CSMD1: variants seen among roughly 807,000 people sequenced by gnomAD.
The protein encoded by CSMD1 is CUB and Sushi multiple domains 1.
In CSMD1, 213 loss-of-function variants were observed where a neutral mutation model predicts 417.5. The ratio of observed to expected loss-of-function variants is 0.51; its 90% CI spans 0.46 to 0.57. CSMD1 has a LOEUF of 0.57. Ranked by LOEUF, CSMD1 falls within the 20% of genes least tolerant of loss-of-function variation. CSMD1 has a pLI of 0.00. For synonymous variants in CSMD1, 2,862 were observed against 1,736.8 expected (o/e 1.65, Z -16.11); for missense variants, 6,923 against 4,529.7 (o/e 1.53, Z -15.17).
intron 25 of CSMD1, among the ~76,000 whole-genome samples, chr8:3,306,929 T>TTTTG (rs1462603753): frequency 6.6e-6 from 1 of 152,134 alleles, no homozygotes; most frequent in Non-Finnish European, 1.5e-5. Flanking sequence ...ATAGAACACT[T>TTTTG]TTTGTTTAAA....
chr8:4,423,230 A>G (rs1029696051), intron 2 of CSMD1, among the ~76,000 whole-genome samples: 7 of 152,116 alleles, frequency 4.6e-5, no homozygotes, highest in African/African-American at 1.7e-4. Flanking sequence ...ACAAGAAAAG[A>G]AAATATATGC....
chr8:3,349,660 T>G (rs1219170740), intron 21 of CSMD1, among the ~76,000 whole-genome samples: 2 of 150,750 alleles, frequency 1.3e-5, no homozygotes, highest in African/African-American at 4.9e-5. Context: ...TGTATAATTA[T>G]AATTCTGTAA....
rs369539045 is a variant in CSMD1 at position 3,001,468 on chromosome 8, C to T, written c.8030-1337G>A. On this transcript the variant is annotated intron_variant, in intron 52 of 69. Coordinates refer to ENST00000635120, the MANE Select transcript of CSMD1 (RefSeq NM_033225.6). ...GAAGAGTAACTTACATGAATTGGAC[C>T]TGTGTTACACATGGGTTTTGGAGTC... 1.9e-3 allele frequency among the ~76,000 whole-genome samples: 296 copies of T among 152,110 alleles called. 1 individual carries two copies. Among genetic ancestry groups the T allele is most frequent in the African/African-American group, 6.9e-3 (287 of 41,480 alleles).
chr8:3,504,762 T>A (rs1796753058), intron 10 of CSMD1, among the ~76,000 whole-genome samples: 1 of 152,154 alleles, frequency 6.6e-6, no homozygotes, highest in South Asian at 2.1e-4. Context: ...TAAGTGTGGT[T>A]TTCACAAACT....
intron 12 of CSMD1, among the ~76,000 whole-genome samples, chr8:3,427,463 A>G (rs191226828): frequency 6.6e-6 from 1 of 152,186 alleles, no homozygotes; most frequent in Non-Finnish European, 1.5e-5. Flanking sequence ...TATATTTTTG[A>G]AACCTTTAAA....
intron 25 of CSMD1, among the ~76,000 whole-genome samples, chr8:3,297,529 G>T (rs552682553): frequency 5.3e-5 from 8 of 152,076 alleles, no homozygotes; most frequent in African/African-American, 1.9e-4. Context: ...TAGTTGTCTC[G>T]TTAATTACTA....
chr8:3,721,866 G>T (rs970761896), intron 6 of CSMD1, among the ~76,000 whole-genome samples: 11 of 152,096 alleles, frequency 7.2e-5, no homozygotes, highest in Non-Finnish European at 2.9e-5. Flanking sequence ...GAAGAAAATA[G>T]CAGAGAATGA....
At chr8:4,218,700 G>C (rs1220299065) in intron 3 of CSMD1, among the ~76,000 whole-genome samples, 2 of 152,292 alleles carry the variant, frequency 1.3e-5, no homozygotes, top group South Asian at 2.1e-4. Flanking sequence ...TCTTCAAATA[G>C]AGGCAACCAT....
chr8:4,041,076 G>A (rs1407962022), intron 3 of CSMD1, among the ~76,000 whole-genome samples: 12 of 144,282 alleles, frequency 8.3e-5, no homozygotes, highest in African/African-American at 2.8e-4. Context: ...GAGTGCAGTG[G>A]CGCGATCTCG....
intron 5 of CSMD1, among the ~76,000 whole-genome samples, chr8:3,795,954 G>A (rs1157571275): frequency 2.4e-5 from 1 of 42,134 alleles, no homozygotes; most frequent in African/African-American, 1.1e-4. Flanking sequence ...TATCTATCAT[G>A]TACAGATATA....
At chr8:2,968,997 T>C (rs1302486114) in intron 57 of CSMD1, among the ~76,000 whole-genome samples, 1 of 152,184 alleles carries the variant, frequency 6.6e-6, no homozygotes, top group East Asian at 1.9e-4. Flanking sequence ...CTGTTCATTT[T>C]GCATGCTACA....
intron 10 of CSMD1, among the ~76,000 whole-genome samples, chr8:3,501,407 G>A (rs887586364): frequency 2.0e-5 from 3 of 152,130 alleles, no homozygotes; most frequent in African/African-American, 7.2e-5. Flanking sequence ...ACATGTTTGT[G>A]TCAGAAACTG....
intron 10 of CSMD1, among the ~76,000 whole-genome samples, chr8:3,557,241 C>T (rs758303935): frequency 1.3e-5 from 2 of 152,060 alleles, no homozygotes; most frequent in Non-Finnish European, 2.9e-5. Context: ...TTTTTAGGAC[C>T]CAAATAATAT....
At chr8:3,437,386 T>A (rs901622116) in intron 12 of CSMD1, among the ~76,000 whole-genome samples, 2 of 152,156 alleles carry the variant, frequency 1.3e-5, no homozygotes, top group African/African-American at 4.8e-5. Context: ...AAACCCTCTT[T>A]GGCAATTCAT....
intron 4 of CSMD1, among the ~76,000 whole-genome samples, chr8:4,020,612 C>G (rs978301596): frequency 3.3e-5 from 5 of 152,150 alleles, no homozygotes; most frequent in Non-Finnish European, 7.4e-5. Context: ...GAGATCAAAA[C>G]TGCTAGGTCC....
intron 2 of CSMD1, among the ~76,000 whole-genome samples, chr8:4,545,082 T>C (rs1272166464): frequency 6.6e-6 from 1 of 152,248 alleles, no homozygotes; most frequent in African/African-American, 2.4e-5. Context: ...GTGTATGATG[T>C]ATATAAAAGG....
chr8:3,896,974 C>T (rs867459004), intron 5 of CSMD1, among the ~76,000 whole-genome samples: 1 of 151,842 alleles, frequency 6.6e-6, no homozygotes, highest in African/African-American at 2.4e-5. Context: ...AACATGACAT[C>T]CTAGATAGCA....
At chr8:4,234,034 A>G (rs1047111470) in intron 3 of CSMD1, among the ~76,000 whole-genome samples, 1 of 152,126 alleles carries the variant, frequency 6.6e-6, no homozygotes, top group African/African-American at 2.4e-5. Flanking sequence ...TTAAGAGTCT[A>G]CCATCAGCCA....
At chr8:4,542,814 T>C (rs1365193646) in intron 2 of CSMD1, among the ~76,000 whole-genome samples, 1 of 152,186 alleles carries the variant, frequency 6.6e-6, no homozygotes, top group African/African-American at 2.4e-5. Flanking sequence ...TATAACATGA[T>C]TATATTATTA....
Sources: allele counts gnomAD v4.1 joint callset (sites outside exome capture counted in the v4.1 genomes callset), GRCh38; gene constraint gnomAD v4.1.1; transcripts MANE v1.5; gene names NCBI Gene and HGNC (gene_info 2026-07-23, HGNC 2026-07-21).